Variants in NRXN3 observed in about 807,000 individuals in gnomAD.
NRXN3 encodes neurexin III.
Under a neutral mutation model 137.6 loss-of-function variants are expected in NRXN3, and 32 were observed. The ratio of observed to expected loss-of-function variants is 0.23; its 90% CI spans 0.18 to 0.31. The LOEUF (loss-of-function observed/expected upper bound fraction) is 0.31. NRXN3 is among the 10% of genes least tolerant of loss of function. The pLI is 1.00. For synonymous variants in NRXN3, 798 were observed against 784.5 expected (o/e 1.02, Z -0.29); for missense variants, 1,574 against 2,062.5 (o/e 0.76, Z 4.59).
chr14:78,361,654 T>G (rs2085132540), intron 4 of NRXN3, among the ~76,000 whole-genome samples: 1 of 152,228 alleles, frequency 6.6e-6, no homozygotes, highest in South Asian at 2.1e-4. Context: ...CAAGATTTAT[T>G]GACTCGGGAC....
At chr14:78,473,227 C>G (rs1056448265) in intron 4 of NRXN3, among the ~76,000 whole-genome samples, 2 of 151,836 alleles carry the variant, frequency 1.3e-5, no homozygotes, top group African/African-American at 4.8e-5. Flanking sequence ...ATGGTGAAAC[C>G]TCGTCTCTAC....
chr14:78,363,411 C>G (rs886688318), intron 4 of NRXN3, among the ~76,000 whole-genome samples: 1 of 152,160 alleles, frequency 6.6e-6, no homozygotes, highest in Non-Finnish European at 1.5e-5. Flanking sequence ...TATTGAGAAC[C>G]TATGACATGC....
At chr14:79,798,774 G>T (rs1022054780) in intron 19 of NRXN3, among the ~76,000 whole-genome samples, 1 of 152,150 alleles carries the variant, frequency 6.6e-6, no homozygotes, top group Non-Finnish European at 1.5e-5. Flanking sequence ...AGAGTGAAAC[G>T]GTCTTGAGCA....
At chr14:79,493,927 A>G (rs2096741560) in intron 16 of NRXN3, among the ~76,000 whole-genome samples, 1 of 152,154 alleles carries the variant, frequency 6.6e-6, no homozygotes, top group Non-Finnish European at 1.5e-5. Context: ...ATTTGTTCCA[A>G]TTTGCTTACT....
In NRXN3 at chr14:79,000,888, A is replaced by G. The variant is rs145657311; in HGVS notation, c.3262+12747A>G. ...TGTTAGAGGCTTTATTCTAATCCCT[A>G]CAACACAGCACATGTATTCTCAACA... is the stretch of plus-strand genomic sequence containing the variant. On this transcript the variant is annotated intron_variant, in intron 15 of 20. Coordinates refer to ENST00000335750, the MANE Select transcript of NRXN3 (RefSeq NM_001330195.2). Among the ~76,000 whole-genome samples the G allele has an allele frequency of 2.0e-5, 3 of 152,332 alleles. No individual in the cohort carries two copies. The East Asian group carries it at 5.8e-4, about 29-fold the overall frequency.
chr14:79,014,652 T>A (rs1339310945), intron 15 of NRXN3, among the ~76,000 whole-genome samples: 2 of 152,200 alleles, frequency 1.3e-5, no homozygotes, highest in African/African-American at 4.8e-5. Flanking sequence ...ATAGTAATTC[T>A]GTTTTAAGTT....
intron 15 of NRXN3, among the ~76,000 whole-genome samples, chr14:79,162,390 G>C (rs914779230): frequency 1.3e-5 from 2 of 151,028 alleles, no homozygotes; most frequent in Non-Finnish European, 2.9e-5. Flanking sequence ...AGAATATGCG[G>C]TGTTTGGTTT....
chr14:79,562,086 T>A (rs1253647874), intron 16 of NRXN3, among the ~76,000 whole-genome samples: 1 of 152,190 alleles, frequency 6.6e-6, no homozygotes, highest in African/African-American at 2.4e-5. Context: ...TATATAAGTA[T>A]CATATAAATT....
In NRXN3 at chr14:79,551,957, C is replaced by T. The variant is rs569471620; in HGVS notation, c.3444+84555C>T. 5.4e-4 allele frequency among the ~76,000 whole-genome samples: 82 copies of T among 152,292 alleles called. 1 individual carries two copies. The highest frequency in any genetic ancestry group is 3.4e-3 in the Middle Eastern group (1 of 294). Reference sequence around the variant, plus strand: ...GACACACCAGGTTTCCACTGCTTTTCGTCATTAGCCCAGATGTTCCCAGTT... The same window carrying T: ...GACACACCAGGTTTCCACTGCTTTTTGTCATTAGCCCAGATGTTCCCAGTT... On this transcript the variant is annotated intron_variant, in intron 16 of 20. Coordinates refer to ENST00000335750, the MANE Select transcript of NRXN3 (RefSeq NM_001330195.2).
chr14:78,797,729 A>G (rs960588443), intron 8 of NRXN3, among the ~76,000 whole-genome samples: 4 of 152,138 alleles, frequency 2.6e-5, no homozygotes, highest in African/African-American at 9.7e-5. Flanking sequence ...GGTGATTGGT[A>G]TGAAAAAAGA....
chr14:78,875,369 G>C lies in NRXN3; in HGVS notation c.2275+65025G>C, dbSNP rs532625073. Reference sequence around the variant, plus strand: ...GCTATAAAGACAAAAATAACAGCATGATAGTTTCTTGAATATAGGATAAAG... The same window carrying C: ...GCTATAAAGACAAAAATAACAGCATCATAGTTTCTTGAATATAGGATAAAG... On this transcript the variant is annotated intron_variant, in intron 10 of 20. Coordinates refer to ENST00000335750, the MANE Select transcript of NRXN3 (RefSeq NM_001330195.2). Among the ~76,000 whole-genome samples the C allele has an allele frequency of 6.6e-5, 10 of 152,314 alleles. No individual in the cohort carries two copies. The South Asian group carries it at 2.1e-3, about 32-fold the overall frequency.
chr14:78,918,605 C>T (rs2099263026), intron 10 of NRXN3, among the ~76,000 whole-genome samples: 1 of 152,142 alleles, frequency 6.6e-6, no homozygotes, highest in South Asian at 2.1e-4. Flanking sequence ...TAAAAAGGCC[C>T]TTCCTTCAGA....
intron 15 of NRXN3, among the ~76,000 whole-genome samples, chr14:79,265,700 A>T (rs1474970998): frequency 2.0e-5 from 3 of 152,206 alleles, no homozygotes; most frequent in Admixed American, 6.5e-5. Context: ...CAAGGTATAC[A>T]TTTTAGGAAA....
At chr14:79,626,859 TAGAA>T (rs2098287085) in intron 16 of NRXN3, among the ~76,000 whole-genome samples, 1 of 152,114 alleles carries the variant, frequency 6.6e-6, no homozygotes, top group African/African-American at 2.4e-5. Context: ...TTATTTTACA[TAGAA>T]ATAAATAAAG....
chr14:78,983,015 C>T (rs2099493341), intron 14 of NRXN3, among the ~76,000 whole-genome samples: 1 of 151,970 alleles, frequency 6.6e-6, no homozygotes, highest in Non-Finnish European at 1.5e-5. Context: ...ATGCAGATGG[C>T]CAACATATAT....
chr14:78,924,279 A>G (rs1242662678), intron 10 of NRXN3, among the ~76,000 whole-genome samples: 1 of 152,230 alleles, frequency 6.6e-6, no homozygotes, highest in Non-Finnish European at 1.5e-5. Flanking sequence ...GTGTGAGTAT[A>G]GTAGTGAACA....
At chr14:78,582,392 A>G (rs974392043) in intron 4 of NRXN3, among the ~76,000 whole-genome samples, 1 of 152,162 alleles carries the variant, frequency 6.6e-6, no homozygotes, top group African/African-American at 2.4e-5. Flanking sequence ...TCTCTTTCTA[A>G]ATTGTTATTA....
In NRXN3 at chr14:78,419,986, C is replaced by CACACACACACACACA. The variant is rs10676901; in HGVS notation, c.757+122126_757+122127insACACACACACACACA. Among the ~76,000 whole-genome samples the CACACACACACACACA allele has an allele frequency of 2.3e-3, 345 of 150,216 alleles. 1 individual carries two copies. Among genetic ancestry groups the CACACACACACACACA allele is most frequent in the African/African-American group, 3.3e-3 (135 of 41,050 alleles). The stretch of plus-strand genomic sequence containing the variant: ...GCACACACACACACACACACACACA[C>CACACACACACACACA]GTAAAGTCCTGACTACCAGTGATAA... On this transcript the variant is annotated intron_variant, in intron 4 of 20. Transcript: ENST00000335750.
intron 15 of NRXN3, among the ~76,000 whole-genome samples, chr14:79,328,684 G>A (rs1025473707): frequency 2.0e-5 from 3 of 152,110 alleles, no homozygotes; most frequent in African/African-American, 7.2e-5. Flanking sequence ...ATTATGCCAT[G>A]CCAGTCTTAA....
Sources: allele counts gnomAD v4.1 joint callset (sites outside exome capture counted in the v4.1 genomes callset), GRCh38; gene constraint gnomAD v4.1.1; transcripts MANE v1.5; gene names NCBI Gene and HGNC (gene_info 2026-07-23, HGNC 2026-07-21).